Variants in C7orf78 observed in about 807,000 individuals in gnomAD.
The protein encoded by C7orf78 is chromosome 7 open reading frame 78, also known as putative uncharacterized protein C7orf78.
the C7orf78 span, among the ~76,000 whole-genome samples, chr7:12,517,831 C>A: frequency 6.6e-6 from 1 of 152,002 alleles, no homozygotes; most frequent in African/African-American, 2.4e-5. Flanking sequence ...TCTCCTGTAT[C>A]TTGCTGAGCT....
At chr7:12,511,898 C>G in the C7orf78 span, among the ~76,000 whole-genome samples, 1 of 149,626 alleles carries the variant, frequency 6.7e-6, no homozygotes, top group East Asian at 1.9e-4. Context: ...ACTACAGGCG[C>G]CCACCACCAC....
the C7orf78 span, among the ~76,000 whole-genome samples, chr7:12,537,250 T>A: frequency 6.6e-6 from 1 of 152,294 alleles, no homozygotes; most frequent in East Asian, 1.9e-4. Flanking sequence ...GAAAGGCACA[T>A]CTCACATGGC....
chr7:12,519,722 G>A, the C7orf78 span, among the ~76,000 whole-genome samples: 1 of 152,150 alleles, frequency 6.6e-6, no homozygotes, highest in Non-Finnish European at 1.5e-5. Flanking sequence ...TTTTTCCCCA[G>A]GGAGTAGTAC....
At chr7:12,499,384 G>A in the C7orf78 span, among the ~76,000 whole-genome samples, 2 of 151,650 alleles carry the variant, frequency 1.3e-5, no homozygotes, top group Non-Finnish European at 2.9e-5. Flanking sequence ...GATGGAGGAA[G>A]ATCTACCAAG....
chr7:12,531,056 G>A, the C7orf78 span: 12 of 398,318 alleles, frequency 3.0e-5, no homozygotes, highest in Non-Finnish European at 4.4e-5. Context: ...TTTATGGATC[G>A]TGTGGAAGAA....
the C7orf78 span, chr7:12,530,998 A>G: frequency 2.5e-6 from 1 of 398,404 alleles, no homozygotes; most frequent in Non-Finnish European, 4.4e-6. Context: ...CTTCCTTTGT[A>G]CCATCTTCCT....
chr7:12,525,037 A>T, the C7orf78 span, among the ~76,000 whole-genome samples: 2,806 of 152,154 alleles, frequency 0.018, 78 homozygotes, highest in African/African-American at 0.064. Flanking sequence ...TTTGAAACGA[A>T]CTTGGTCTCA....
chr7:12,489,795 G>T, the C7orf78 span, among the ~76,000 whole-genome samples: 1 of 152,126 alleles, frequency 6.6e-6, no homozygotes, highest in South Asian at 2.1e-4. Flanking sequence ...GACCAATATT[G>T]CTGCATTTTG....
At chr7:12,483,494 T>C in the C7orf78 span, 4 of 152,204 alleles carry the variant, frequency 2.6e-5, no homozygotes, top group Non-Finnish European at 4.4e-5. Flanking sequence ...CAAATTATCA[T>C]ACTAAAGCTA....
chr7:12,505,833 T>G, the C7orf78 span, among the ~76,000 whole-genome samples: 1 of 152,158 alleles, frequency 6.6e-6, no homozygotes, highest in Non-Finnish European at 1.5e-5. Flanking sequence ...TATTTCTGCC[T>G]GGGAACTACA....
the C7orf78 span, among the ~76,000 whole-genome samples, chr7:12,537,107 A>G: frequency 6.6e-6 from 1 of 152,188 alleles, no homozygotes; most frequent in African/African-American, 2.4e-5. Flanking sequence ...TACCAGTACC[A>G]GTTTACTGTA....
chr7:12,513,755 C>G, the C7orf78 span, among the ~76,000 whole-genome samples: 3 of 151,602 alleles, frequency 2.0e-5, 1 homozygote, highest in African/African-American at 4.9e-5. Context: ...AATCCCAGCA[C>G]TTTGGGAGGC....
chr7:12,525,068 C>A, the C7orf78 span, among the ~76,000 whole-genome samples: 466 of 152,110 alleles, frequency 3.1e-3, no homozygotes, highest in Non-Finnish European at 5.1e-3. Flanking sequence ...AATTAAAGAG[C>A]GAAAAATCTT....
chr7:12,496,159 TCG>T, the C7orf78 span, among the ~76,000 whole-genome samples: 4 of 152,148 alleles, frequency 2.6e-5, no homozygotes, highest in African/African-American at 9.7e-5. Context: ...TCTCCTGACC[TCG>T]TGATCCGCCG....
chr7:12,512,715 A>G, the C7orf78 span, among the ~76,000 whole-genome samples: 28 of 152,174 alleles, frequency 1.8e-4, no homozygotes, highest in African/African-American at 4.3e-4. Flanking sequence ...AGAATGAGTT[A>G]GTTTTCTTCA....
At chr7:12,527,965 A>T in the C7orf78 span, among the ~76,000 whole-genome samples, 14 of 141,004 alleles carry the variant, frequency 9.9e-5, no homozygotes, top group South Asian at 4.7e-4. Flanking sequence ...GGAACATGTC[A>T]GCTTTCCTAG....
the C7orf78 span, among the ~76,000 whole-genome samples, chr7:12,521,485 T>C: frequency 6.6e-6 from 1 of 152,042 alleles, no homozygotes; most frequent in Non-Finnish European, 1.5e-5. Flanking sequence ...CCTTTATTCC[T>C]TATTTTGGTT....
At chr7:12,496,217 G>A in the C7orf78 span, among the ~76,000 whole-genome samples, 2 of 152,116 alleles carry the variant, frequency 1.3e-5, no homozygotes, top group Non-Finnish European at 2.9e-5. Context: ...GAGCCACCTC[G>A]TCTGGCTGAG....
chr7:12,541,938 C>G, the C7orf78 span: 1 of 152,148 alleles, frequency 6.6e-6, no homozygotes, highest in East Asian at 1.9e-4. Flanking sequence ...ATAGTTCCAA[C>G]TAGAAGGAAA....
Sources: gnomAD v4.1 joint callset for allele counts (sites outside exome capture counted in the v4.1 genomes callset) on GRCh38, gnomAD v4.1.1 for gene constraint, MANE v1.5 for transcripts, NCBI Gene and HGNC (gene_info 2026-07-23, HGNC 2026-07-21) for gene names.